The following RBMS1 variants were observed in gnomAD, a reference collection of about 807,000 sequenced individuals.
The protein encoded by RBMS1 is RNA binding motif single stranded interacting protein 1.
Under a neutral mutation model 62.3 loss-of-function variants are expected in RBMS1, and 17 were observed. The ratio of observed to expected loss-of-function variants is 0.27; its 90% CI spans 0.19 to 0.41. RBMS1 has a LOEUF of 0.41. Ranked by LOEUF, RBMS1 falls within the 10% of genes least tolerant of loss-of-function variation. The pLI is 1.00. For synonymous variants in RBMS1, 172 were observed against 170.0 expected (o/e 1.01, Z -0.09); for missense variants, 334 against 504.5 (o/e 0.66, Z 3.24).
At chr2:160,362,826 C>T (rs1693202331) in intron 2 of RBMS1, among the ~76,000 whole-genome samples, 1 of 151,780 alleles carries the variant, frequency 6.6e-6, no homozygotes, top group Admixed American at 6.6e-5. Flanking sequence ...CGAGGTATGC[C>T]TGTACCCCTT....
At chr2:160,345,777 T>C (rs770857539) in intron 2 of RBMS1, among the ~76,000 whole-genome samples, 2 of 152,150 alleles carry the variant, frequency 1.3e-5, no homozygotes, top group Non-Finnish European at 2.9e-5. Context: ...TAGAGTCTGT[T>C]TTCTAACTGT....
chr2:160,379,145 G>A (rs186534119), intron 1 of RBMS1, among the ~76,000 whole-genome samples: 101 of 151,992 alleles, frequency 6.6e-4, no homozygotes, highest in Non-Finnish European at 1.2e-3. Context: ...CTTGAGCCCA[G>A]TTGGCAGAGG....
intron 1 of RBMS1, among the ~76,000 whole-genome samples, chr2:160,464,067 T>C (rs143466285): frequency 7.9e-5 from 12 of 152,236 alleles, no homozygotes; most frequent in Non-Finnish European, 1.5e-4. Flanking sequence ...TGCTCTCCTA[T>C]ATGCCAGTGG....
chr2:160,489,893 T>C (rs535273150), intron 1 of RBMS1, among the ~76,000 whole-genome samples: 20 of 152,244 alleles, frequency 1.3e-4, no homozygotes, highest in Admixed American at 6.5e-5. Context: ...TAACTAATCA[T>C]GGAAAGAAAA....
chr2:160,347,781 G>A (rs887272421), intron 2 of RBMS1, among the ~76,000 whole-genome samples: 4 of 152,036 alleles, frequency 2.6e-5, no homozygotes, highest in African/African-American at 9.7e-5. Flanking sequence ...AAGGAATTTT[G>A]CTGCACTTCA....
chr2:160,337,377 G>A (rs1355909607), intron 2 of RBMS1, among the ~76,000 whole-genome samples: 4 of 151,950 alleles, frequency 2.6e-5, no homozygotes, highest in South Asian at 2.1e-4. Context: ...CAAGTGATCC[G>A]CCCCACTCAG....
At chr2:160,428,001 CTGTT>C (rs138555272) in intron 1 of RBMS1, among the ~76,000 whole-genome samples, 2,272 of 152,144 alleles carry the variant, frequency 0.015, 72 homozygotes, top group African/African-American at 0.052. Context: ...TCTCTGGTCT[CTGTT>C]TGTTAGTTAA....
At chr2:160,413,341 G>GA (rs150977530) in intron 1 of RBMS1, among the ~76,000 whole-genome samples, 14,711 of 150,746 alleles carry the variant, frequency 0.098, 966 homozygotes, top group East Asian at 0.25. Flanking sequence ...CAAAACAGGA[G>GA]AAAAAAAAAG....
intron 1 of RBMS1, chr2:160,407,361 C>T (rs1695791429): frequency 1.0e-6 from 1 of 985,540 alleles, no homozygotes; most frequent in Admixed American, 6.1e-5. Flanking sequence ...ACAAGGTCAC[C>T]GCCCAGCCGG....
At chr2:160,464,248 C>T (rs2105335711) in intron 1 of RBMS1, among the ~76,000 whole-genome samples, 1 of 152,280 alleles carries the variant, frequency 6.6e-6, no homozygotes, top group East Asian at 1.9e-4. Context: ...CAACAGCTTA[C>T]ATCATCAAAA....
At chr2:160,422,792 T>A (rs1696485855) in intron 1 of RBMS1, among the ~76,000 whole-genome samples, 1 of 152,224 alleles carries the variant, frequency 6.6e-6, no homozygotes. Context: ...CCTGAGTTAC[T>A]CACAACCTCC....
chr2:160,408,156 AC>A (rs946301987), intron 1 of RBMS1, among the ~76,000 whole-genome samples: 31 of 150,842 alleles, frequency 2.1e-4, no homozygotes, highest in Non-Finnish European at 4.4e-4. Flanking sequence ...GGAGTAGCCA[AC>A]CCCCCTCCTC....
chr2:160,334,939 GA>G (rs370858164), intron 2 of RBMS1, among the ~76,000 whole-genome samples: 1,935 of 139,090 alleles, frequency 0.014, 59 homozygotes, highest in African/African-American at 0.045. Context: ...CCTGAAATGT[GA>G]AAAAAAAAAA....
At chr2:160,287,540 G>A (rs1351878132) in intron 6 of RBMS1, among the ~76,000 whole-genome samples, 1 of 152,180 alleles carries the variant, frequency 6.6e-6, no homozygotes, top group Admixed American at 6.5e-5. Context: ...CCTCTACACT[G>A]CTCGCACATA....
chr2:160,404,209 A>C (rs1695577655), intron 1 of RBMS1, among the ~76,000 whole-genome samples: 1 of 152,146 alleles, frequency 6.6e-6, no homozygotes, highest in Non-Finnish European at 1.5e-5. Flanking sequence ...TCTCACTTTG[A>C]CTTGAGCTGA....
rs546229961 is a variant in RBMS1 at position 160,347,637 on chromosome 2, G to A, written c.251+19579C>T. Among the ~76,000 whole-genome samples, 10 of 152,208 alleles carry A rather than the reference G, an allele frequency of 6.6e-5. No homozygotes were observed. In the South Asian group the frequency reaches 2.1e-3, roughly 32 times the overall value. On this transcript the variant is annotated intron_variant, in intron 2 of 13. Transcript: ENST00000348849. ...TATAAACCAGCCCTGAATACTATGG[G>A]TGAAATCACCTGAAGGTCTGTCTAC... is the stretch of plus-strand genomic sequence containing the variant.
chr2:160,425,188 A>G (rs1280013883), intron 1 of RBMS1, among the ~76,000 whole-genome samples: 1 of 152,218 alleles, frequency 6.6e-6, no homozygotes, highest in Admixed American at 6.5e-5. Flanking sequence ...AAGGTAGTCC[A>G]GAATCTCAAG....
At chr2:160,482,460 C>G (rs1409439063) in intron 1 of RBMS1, among the ~76,000 whole-genome samples, 2 of 152,174 alleles carry the variant, frequency 1.3e-5, no homozygotes, top group Non-Finnish European at 2.9e-5. Flanking sequence ...TGATGATGCA[C>G]ACTATGTTTT....
chr2:160,489,868 T>C (rs56085762), intron 1 of RBMS1, among the ~76,000 whole-genome samples: 8,157 of 152,240 alleles, frequency 0.054, 325 homozygotes, highest in African/African-American at 0.1. Context: ...TTTCAGTTGG[T>C]ACAAAATATG....
Sources: gnomAD v4.1 joint callset for allele counts (sites outside exome capture counted in the v4.1 genomes callset) on GRCh38, gnomAD v4.1.1 for gene constraint, MANE v1.5 for transcripts, NCBI Gene and HGNC (gene_info 2026-07-23, HGNC 2026-07-21) for gene names.